GLIS3: variants seen among roughly 807,000 people sequenced by gnomAD.
GLIS3 encodes the protein zinc finger protein GLIS3.
A neutral mutation model predicts 78.6 loss-of-function variants in GLIS3; 53 were observed. That is an observed-to-expected ratio of 0.67 (90% CI 0.54 to 0.85). GLIS3 has a LOEUF of 0.85. Ranked by LOEUF, GLIS3 falls within the 40% of genes least tolerant of loss-of-function variation. The pLI, the probability that GLIS3 is intolerant of heterozygous loss-of-function variation, is 0.00. For synonymous variants in GLIS3, 684 were observed against 509.9 expected (o/e 1.34, Z -4.60); for missense variants, 1,703 against 1,231.1 (o/e 1.38, Z -5.74).
chr9:4,041,532 T>A (rs948086932), intron 4 of GLIS3, among the ~76,000 whole-genome samples: 1 of 152,204 alleles, frequency 6.6e-6, no homozygotes. Context: ...ATTTTTAGTG[T>A]GTGTGTGTCT....
the GLIS3 span, among the ~76,000 whole-genome samples, chr9:4,370,336 C>T: frequency 5.9e-5 from 9 of 152,154 alleles, no homozygotes; most frequent in Admixed American, 5.9e-4. Flanking sequence ...TCCTCCAGGA[C>T]AGCAGCCCTG....
At chr9:4,129,177 A>G (rs886526793) in intron 2 of GLIS3, among the ~76,000 whole-genome samples, 2 of 152,196 alleles carry the variant, frequency 1.3e-5, no homozygotes, top group South Asian at 4.1e-4. Context: ...GAACACCTAT[A>G]CCTCCAGACT....
At chr9:4,182,980 C>T (rs1416601354) in intron 2 of GLIS3, among the ~76,000 whole-genome samples, 1 of 152,218 alleles carries the variant, frequency 6.6e-6, no homozygotes, top group Non-Finnish European at 1.5e-5. Flanking sequence ...CCCCACCGCT[C>T]ACACTCTAAT....
chr9:4,095,677 A>G (rs1829882252), intron 4 of GLIS3, among the ~76,000 whole-genome samples: 2 of 152,192 alleles, frequency 1.3e-5, no homozygotes. Flanking sequence ...TGAGCGAGCT[A>G]TAAATTTGCT....
chr9:4,186,507 T>C, intron 2 of GLIS3, among the ~76,000 whole-genome samples: 1 of 151,922 alleles, frequency 6.6e-6, no homozygotes. Flanking sequence ...CCTTTGGGTA[T>C]ATACCCACTA....
chr9:4,288,796 G>C (rs1431066047), intron 1 of GLIS3, among the ~76,000 whole-genome samples: 3 of 152,070 alleles, frequency 2.0e-5, no homozygotes, highest in Non-Finnish European at 4.4e-5. Context: ...CAGCCAGAAA[G>C]TAAAGTGATT....
At chr9:4,355,245 C>T in the GLIS3 span, among the ~76,000 whole-genome samples, 155 of 152,250 alleles carry the variant, frequency 1.0e-3, no homozygotes, top group African/African-American at 3.5e-3. Flanking sequence ...CCAAAGCAAA[C>T]TCTGCCACTT....
the GLIS3 span, among the ~76,000 whole-genome samples, chr9:4,370,676 TAG>T: frequency 6.6e-6 from 1 of 151,214 alleles, no homozygotes; most frequent in Non-Finnish European, 1.5e-5. Flanking sequence ...ATATACATAA[TAG>T]AGTGTATTTT....
At chr9:4,119,584 C>A (rs897647214) in intron 3 of GLIS3, among the ~76,000 whole-genome samples, 2 of 152,110 alleles carry the variant, frequency 1.3e-5, no homozygotes, top group Non-Finnish European at 2.9e-5. Flanking sequence ...CAAGTCATAT[C>A]TGGAATTATG....
At chr9:4,189,468 C>G (rs1317088768) in intron 2 of GLIS3, among the ~76,000 whole-genome samples, 1 of 152,114 alleles carries the variant, frequency 6.6e-6, no homozygotes, top group East Asian at 1.9e-4. Flanking sequence ...AATGTATATT[C>G]TGTTGATTTG....
At chr9:3,854,681 C>T (rs374782202) in intron 9 of GLIS3, among the ~76,000 whole-genome samples, 5 of 149,172 alleles carry the variant, frequency 3.4e-5, no homozygotes, top group East Asian at 4.0e-4. Context: ...GGACTACAAG[C>T]GCCCGCCGTC....
the GLIS3 span, among the ~76,000 whole-genome samples, chr9:4,418,014 A>G: frequency 3.3e-5 from 5 of 152,222 alleles, no homozygotes; most frequent in African/African-American, 4.8e-5. Flanking sequence ...CCTGTCCACT[A>G]AAACCCGCTA....
intron 2 of GLIS3, among the ~76,000 whole-genome samples, chr9:4,233,079 T>G (rs1822415719): frequency 6.6e-6 from 1 of 152,218 alleles, no homozygotes; most frequent in Non-Finnish European, 1.5e-5. Flanking sequence ...GCCAATTACA[T>G]AATTTTGATA....
the GLIS3 span, among the ~76,000 whole-genome samples, chr9:4,464,098 C>G: frequency 2.0e-5 from 3 of 152,026 alleles, no homozygotes; most frequent in African/African-American, 4.8e-5. Context: ...TAGAATCACA[C>G]AGGAAAAAAT....
chr9:3,987,925 G>C (rs1334596031), intron 4 of GLIS3, among the ~76,000 whole-genome samples: 4 of 151,856 alleles, frequency 2.6e-5, no homozygotes, highest in Non-Finnish European at 5.9e-5. Flanking sequence ...ATAATCCAGA[G>C]AAAAACGATA....
the GLIS3 span, among the ~76,000 whole-genome samples, chr9:4,410,171 T>G: frequency 6.6e-6 from 1 of 151,676 alleles, no homozygotes; most frequent in Non-Finnish European, 1.5e-5. Context: ...GAGACAGTGT[T>G]TTGCCATGTT....
intron 2 of GLIS3, among the ~76,000 whole-genome samples, chr9:4,225,068 T>C (rs190969434): frequency 1.3e-5 from 2 of 151,860 alleles, no homozygotes; most frequent in Admixed American, 6.6e-5. Context: ...TCACACGAGA[T>C]AGTTAAGCAG....
chr9:4,337,043 G>C (rs535973492), intron 2 of GLIS3, among the ~76,000 whole-genome samples: 1 of 152,248 alleles, frequency 6.6e-6, no homozygotes, highest in East Asian at 1.9e-4. Context: ...ACTAAAATGA[G>C]ATACTACTTT....
At chr9:4,472,983 G>A in the GLIS3 span, among the ~76,000 whole-genome samples, 1 of 152,248 alleles carries the variant, frequency 6.6e-6, no homozygotes, top group South Asian at 2.1e-4. Flanking sequence ...CCAGTAATGG[G>A]ATTGCTGAGT....
Sources: allele counts gnomAD v4.1 joint callset (sites outside exome capture counted in the v4.1 genomes callset), GRCh38; gene constraint gnomAD v4.1.1; transcripts MANE v1.5; gene names NCBI Gene and HGNC (gene_info 2026-07-23, HGNC 2026-07-21).